Variants in RAD51B observed in about 807,000 individuals in gnomAD.
The protein encoded by RAD51B is RAD51 paralog B.
In RAD51B, 38 loss-of-function variants were observed where a neutral mutation model predicts 42.2. The observed-to-expected ratio is 0.90, with a 90% CI of 0.70 to 1.18. The LOEUF (loss-of-function observed/expected upper bound fraction) is 1.18. RAD51B is among the 50% of genes most tolerant of loss of function. The probability of loss-of-function intolerance (pLI) is 0.00; values close to 1 mark genes in which losing one functional copy is unlikely to be tolerated. For missense variants in RAD51B, 373 were observed against 400.7 expected (o/e 0.93, Z 0.59); for synonymous variants, 154 against 145.2 (o/e 1.06, Z -0.43).
intron 7 of RAD51B, among the ~76,000 whole-genome samples, chr14:67,974,659 C>T (rs1015204239): frequency 1.3e-5 from 2 of 152,030 alleles, no homozygotes; most frequent in Admixed American, 6.5e-5. Context: ...GAGACTTATA[C>T]TTCACTAGAT....
At chr14:68,015,025 T>C (rs1297310787) in intron 7 of RAD51B, among the ~76,000 whole-genome samples, 1 of 152,124 alleles carries the variant, frequency 6.6e-6, no homozygotes, top group Non-Finnish European at 1.5e-5. Flanking sequence ...TGACTGGGTT[T>C]TAAACCCAGC....
At chr14:68,442,510 A>G (rs60219692) in intron 9 of RAD51B, among the ~76,000 whole-genome samples, 3,723 of 130,050 alleles carry the variant, frequency 0.029, 150 homozygotes, top group African/African-American at 0.1. Context: ...GCGCGATTTC[A>G]GCTCACTGCA....
intron 3 of RAD51B, among the ~76,000 whole-genome samples, chr14:67,832,845 G>GTCCTT (rs2041100207): frequency 1.3e-5 from 2 of 152,020 alleles, no homozygotes; most frequent in African/African-American, 4.8e-5. Flanking sequence ...AACAAAGGGA[G>GTCCTT]GTTGTCAAAA....
chr14:68,556,889 C>A (rs1888875846), intron 10 of RAD51B, among the ~76,000 whole-genome samples: 1 of 152,162 alleles, frequency 6.6e-6, no homozygotes, highest in Non-Finnish European at 1.5e-5. Context: ...TCTCCACACA[C>A]CCTGAGTTTC....
intron 7 of RAD51B, among the ~76,000 whole-genome samples, chr14:68,276,061 A>G (rs555022322): frequency 6.6e-6 from 1 of 152,180 alleles, no homozygotes; most frequent in African/African-American, 2.4e-5. Context: ...CTTTTCAAAG[A>G]GCTCCTTTTT....
chr14:68,240,977 C>G (rs1449572867), intron 7 of RAD51B, among the ~76,000 whole-genome samples: 1 of 152,172 alleles, frequency 6.6e-6, no homozygotes, highest in African/African-American at 2.4e-5. Context: ...TTCTAGTGAG[C>G]TTACCATCTG....
intron 10 of RAD51B, among the ~76,000 whole-genome samples, chr14:68,569,432 G>A (rs547114571): frequency 2.8e-4 from 43 of 152,308 alleles, no homozygotes; most frequent in African/African-American, 9.1e-4. Flanking sequence ...AGTAATGAGC[G>A]CTCTTTCTCC....
At chr14:67,846,302 T>TG (rs902603064) in intron 4 of RAD51B, among the ~76,000 whole-genome samples, 4 of 151,978 alleles carry the variant, frequency 2.6e-5, no homozygotes, top group Admixed American at 1.3e-4. Context: ...GGTGGCAGTG[T>TG]GGGGGGTGGC....
chr14:68,350,080 A>G (rs560798970), intron 8 of RAD51B, among the ~76,000 whole-genome samples: 2 of 152,178 alleles, frequency 1.3e-5, no homozygotes, highest in East Asian at 1.9e-4. Context: ...AGCTTCCACC[A>G]CATGTTTACA....
intron 7 of RAD51B, among the ~76,000 whole-genome samples, chr14:68,102,180 T>G (rs2077301922): frequency 6.6e-6 from 1 of 152,134 alleles, no homozygotes; most frequent in Non-Finnish European, 1.5e-5. Flanking sequence ...CATTTTTCCC[T>G]CCTAGGCCTC....
Position 68,585,320 on chromosome 14 carries a change from C to A in RAD51B, c.1037-9165C>A, listed in dbSNP as rs1483482900. Among the ~76,000 whole-genome samples the A allele has an allele frequency of 2.6e-5, 4 of 152,222 alleles. 1 individual carries two copies. Among genetic ancestry groups the A allele is most frequent in the African/African-American group, 9.6e-5 (4 of 41,456 alleles). On this transcript the variant is annotated intron_variant, in intron 10 of 10. Coordinates refer to the RAD51B transcript ENST00000487270. ...GGAATAAGCCCAATTCCTGCTTCACCATGGCAGGGAGGCCGGCTCCTTTTG... is the reference window on the plus strand; with the variant it reads ...GGAATAAGCCCAATTCCTGCTTCACAATGGCAGGGAGGCCGGCTCCTTTTG...
chr14:68,134,426 A>G (rs896767936), intron 7 of RAD51B, among the ~76,000 whole-genome samples: 89 of 152,306 alleles, frequency 5.8e-4, no homozygotes, highest in African/African-American at 2.1e-3. Flanking sequence ...ACAAATTTCT[A>G]TGAGAAAAGT....
intron 10 of RAD51B, among the ~76,000 whole-genome samples, chr14:68,470,041 T>C (rs1461197908): frequency 1.3e-5 from 2 of 152,106 alleles, no homozygotes; most frequent in African/African-American, 4.8e-5. Context: ...GGAAATACAA[T>C]GAATTGGTAG....
At chr14:68,355,441 T>G (rs2082880191) in intron 8 of RAD51B, among the ~76,000 whole-genome samples, 1 of 152,162 alleles carries the variant, frequency 6.6e-6, no homozygotes, top group African/African-American at 2.4e-5. Context: ...GGGTTTTGGG[T>G]CTATTAGATT....
At chr14:68,454,455 C>G (rs2085633182) in intron 9 of RAD51B, among the ~76,000 whole-genome samples, 1 of 152,210 alleles carries the variant, frequency 6.6e-6, no homozygotes. Context: ...TCAGGAAGAA[C>G]AGCAAGACTT....
intron 10 of RAD51B, among the ~76,000 whole-genome samples, chr14:68,523,742 C>T (rs1235461423): frequency 6.6e-6 from 1 of 152,164 alleles, no homozygotes; most frequent in Non-Finnish European, 1.5e-5. Flanking sequence ...GGAAAGTTGT[C>T]CTCCATACAC....
chr14:68,614,613 A>T (rs1208138128), downstream of RAD51B, among the ~76,000 whole-genome samples: 1 of 152,222 alleles, frequency 6.6e-6, no homozygotes, highest in African/African-American at 2.4e-5. Context: ...ATTATACAAT[A>T]TGTGACCTTT....
rs150076284 is a variant in RAD51B, at chr14:68,392,380, A to C, written c.854-19044A>C. Among the ~76,000 whole-genome samples the C allele has an allele frequency of 7.0e-3, 1,061 of 152,214 alleles. 9 individuals are homozygous for C. Among genetic ancestry groups the C allele is most frequent in the Non-Finnish European group, 0.011 (739 of 67,996 alleles). ...CCTGGTGAGGACCAAGGCACAGCTCAAGATGTTGTTTGCCAATTCTTCCTT... is the reference window on the plus strand; with the variant it reads ...CCTGGTGAGGACCAAGGCACAGCTCCAGATGTTGTTTGCCAATTCTTCCTT... On this transcript the variant is annotated intron_variant, in intron 8 of 10. Coordinates refer to ENST00000471583, the MANE Select transcript of RAD51B (RefSeq NM_133510.4).
chr14:67,858,195 G>A (rs2042058167), intron 4 of RAD51B: 1 of 152,398 alleles, frequency 6.6e-6, no homozygotes, highest in Non-Finnish European at 1.5e-5. Context: ...CTCTGCTGGT[G>A]AGGGCAAAGG....
Sources: gnomAD v4.1 joint callset for allele counts (sites outside exome capture counted in the v4.1 genomes callset) on GRCh38, gnomAD v4.1.1 for gene constraint, MANE v1.5 for transcripts, NCBI Gene and HGNC (gene_info 2026-07-23, HGNC 2026-07-21) for gene names.